DCDC2: variants seen among roughly 807,000 people sequenced by gnomAD.
DCDC2 encodes doublecortin domain-containing protein 2.
DCDC2 carries 40 observed loss-of-function variants against 50.2 expected under a neutral mutation model. The observed-to-expected ratio is 0.80, with a 90% CI of 0.62 to 1.04. DCDC2 has a LOEUF of 1.04. Ranked by LOEUF, DCDC2 falls within the 50% of genes least tolerant of loss-of-function variation. The probability of loss-of-function intolerance (pLI) is 0.00; values close to 1 mark genes in which losing one functional copy is unlikely to be tolerated. For missense variants in DCDC2, 570 were observed against 581.9 expected, an observed-to-expected ratio of 0.98 and a Z score of 0.21; for synonymous variants, 234 against 210.6, an observed-to-expected ratio of 1.11 and a Z score of -0.96.
chr6:24,358,906 T>TATATA (rs1561788507), upstream of DCDC2, among the ~76,000 whole-genome samples: 75 of 20,394 alleles, frequency 3.7e-3, no homozygotes, highest in East Asian at 6.9e-3. Context: ...TATAATATAT[T>TATATA]ATATATTATA....
At chr6:24,271,011 T>C (rs1195864268) in intron 7 of DCDC2, among the ~76,000 whole-genome samples, 1 of 151,356 alleles carries the variant, frequency 6.6e-6, no homozygotes, top group Non-Finnish European at 1.5e-5. Context: ...CACTTGAGCT[T>C]AGGAGTTTGA....
upstream of DCDC2, among the ~76,000 whole-genome samples, chr6:24,359,531 ATTTTTT>A (rs1333776797): frequency 9.0e-5 from 9 of 100,518 alleles, no homozygotes; most frequent in African/African-American, 2.9e-4. Flanking sequence ...TTTTATATAT[ATTTTTT>A]ATATATTTTA....
At chr6:24,223,801 C>T (rs1022369197) in intron 7 of DCDC2, among the ~76,000 whole-genome samples, 3 of 152,222 alleles carry the variant, frequency 2.0e-5, no homozygotes, top group Non-Finnish European at 4.4e-5. Flanking sequence ...GTGTAACCAC[C>T]AAAATGGTAC....
chr6:24,226,946 C>A (rs1581598137), intron 7 of DCDC2, among the ~76,000 whole-genome samples: 1 of 152,114 alleles, frequency 6.6e-6, no homozygotes, highest in East Asian at 1.9e-4. Flanking sequence ...GGGAGGCAGC[C>A]AGGATGTCAG....
intron 2 of DCDC2, among the ~76,000 whole-genome samples, chr6:24,304,313 T>A (rs1422794854): frequency 6.6e-6 from 1 of 152,122 alleles, no homozygotes; most frequent in Admixed American, 6.5e-5. Flanking sequence ...TGAAACCCTA[T>A]CTCTACTGAA....
chr6:24,198,710 C>T (rs1442246401), intron 8 of DCDC2, among the ~76,000 whole-genome samples: 1 of 152,130 alleles, frequency 6.6e-6, no homozygotes, highest in Non-Finnish European at 1.5e-5. Context: ...AGTGGTCTAG[C>T]TCAGTGGATC....
upstream of DCDC2, among the ~76,000 whole-genome samples, chr6:24,362,774 C>G (rs1392518133): frequency 6.6e-6 from 1 of 152,160 alleles, no homozygotes; most frequent in Non-Finnish European, 1.5e-5. Flanking sequence ...AATGGACCCT[C>G]ATCTACTCAT....
At chr6:24,301,435 G>C (rs1332259853) in intron 4 of DCDC2, among the ~76,000 whole-genome samples, 2 of 144,156 alleles carry the variant, frequency 1.4e-5, no homozygotes, top group South Asian at 4.3e-4. Context: ...CTCAACTAAA[G>C]TTATGTTTGC....
intron 2 of DCDC2, among the ~76,000 whole-genome samples, chr6:24,304,173 C>T (rs746203091): frequency 2.6e-5 from 4 of 152,164 alleles, no homozygotes; most frequent in African/African-American, 9.7e-5. Context: ...CATTAAGTGA[C>T]GCTGACTTTT....
At chr6:24,195,725 C>A (rs1399036764) in intron 8 of DCDC2, among the ~76,000 whole-genome samples, 1 of 152,174 alleles carries the variant, frequency 6.6e-6, no homozygotes, top group Non-Finnish European at 1.5e-5. Context: ...CACCATATAT[C>A]CCTTTGGAGG....
chr6:24,267,185 T>G (rs932440241), intron 7 of DCDC2, among the ~76,000 whole-genome samples: 8 of 152,136 alleles, frequency 5.3e-5, no homozygotes, highest in Admixed American at 5.2e-4. Flanking sequence ...GGAGTGGAGA[T>G]GGTTAATGGG....
At chr6:24,237,881 G>A (rs1305691747) in intron 7 of DCDC2, among the ~76,000 whole-genome samples, 1 of 151,528 alleles carries the variant, frequency 6.6e-6, no homozygotes. Context: ...AGTATGCATA[G>A]ACATAAAGAT....
chr6:24,308,880 T>C (rs1759522324), intron 2 of DCDC2, among the ~76,000 whole-genome samples: 1 of 152,138 alleles, frequency 6.6e-6, no homozygotes, highest in African/African-American at 2.4e-5. Flanking sequence ...ACAAAGACCT[T>C]TTTTAGACAG....
At chr6:24,339,109 A>G (rs546617771) in intron 2 of DCDC2, among the ~76,000 whole-genome samples, 1 of 152,104 alleles carries the variant, frequency 6.6e-6, no homozygotes, top group East Asian at 1.9e-4. Context: ...TCTCAAATGT[A>G]CCCTGTGCTC....
intron 8 of DCDC2, among the ~76,000 whole-genome samples, chr6:24,179,154 C>T (rs554551565): frequency 2.6e-4 from 40 of 152,238 alleles, no homozygotes; most frequent in African/African-American, 8.9e-4. Context: ...GACAGCTTTC[C>T]CCACAATGCC....
At position 24,357,729 on chromosome 6, in the gene DCDC2, A is replaced by C. The variant is rs936122381; in HGVS notation, c.22T>G (p.Ser8Ala). 6.2e-7 allele frequency: 1 copy of C among 1,612,356 alleles called. No individual in the cohort carries two copies. Among genetic ancestry groups the C allele is most frequent in the Admixed American group, 1.7e-5 (1 of 59,982 alleles). The stretch of plus-strand genomic sequence containing the variant: ...ACGACGGGCTGAGACAGGTGGCTGG[A>C]CCTGGCGCTGCTGCCGCTCATCTTC... MSGSSARSSHLSQPVVKS... is the reference protein window; with the variant it reads MSGSSARASHLSQPVVKS... The change falls in exon 1 of 10, where the codon TCC becomes GCC. Residue 8 changes from serine (S) to alanine (A), a missense_variant. Coordinates refer to ENST00000378454, the MANE Select transcript of DCDC2 (RefSeq NM_016356.5).
intron 2 of DCDC2, among the ~76,000 whole-genome samples, chr6:24,324,675 G>A (rs2113854050): frequency 1.3e-5 from 2 of 152,168 alleles, no homozygotes; most frequent in East Asian, 1.9e-4. Flanking sequence ...CTTGAGGATA[G>A]GAATTCAAAA....
upstream of DCDC2, among the ~76,000 whole-genome samples, chr6:24,360,480 G>A (rs1674600227): frequency 6.6e-6 from 1 of 152,156 alleles, no homozygotes. Context: ...TGTCTGACTG[G>A]CTGTCCAAGA....
At chr6:24,279,390 C>A (rs1258757662) in intron 6 of DCDC2, among the ~76,000 whole-genome samples, 1 of 152,086 alleles carries the variant, frequency 6.6e-6, no homozygotes, top group Non-Finnish European at 1.5e-5. Context: ...GACTAAGCAA[C>A]ATAGCAGGAC....
Sources: allele counts gnomAD v4.1 joint callset (sites outside exome capture counted in the v4.1 genomes callset), GRCh38; gene constraint gnomAD v4.1.1; transcripts MANE v1.5; gene names NCBI Gene and HGNC (gene_info 2026-07-23, HGNC 2026-07-21).